The following CUX1 variants were observed in gnomAD, a reference collection of about 807,000 sequenced individuals.
CUX1 encodes the protein protein CASP.
A neutral mutation model predicts 158.8 loss-of-function variants in CUX1; 31 were observed. The observed-to-expected ratio is 0.20, with a 90% CI of 0.15 to 0.26. CUX1 has a LOEUF of 0.26. CUX1 is among the 10% of genes least tolerant of loss of function. The pLI is 1.00. For synonymous variants in CUX1, 879 were observed against 862.1 expected (o/e 1.02, Z -0.34); for missense variants, 1,589 against 2,014.6 (o/e 0.79, Z 4.04).
intron 20 of CUX1, among the ~76,000 whole-genome samples, chr7:102,209,703 A>T (rs1377090175): frequency 6.6e-6 from 1 of 152,014 alleles, no homozygotes; most frequent in African/African-American, 2.4e-5. Context: ...GTCCTTGGGG[A>T]CTGATTCTGC....
chr7:101,856,334 GGTTT>G (rs1260518774), intron 1 of CUX1, among the ~76,000 whole-genome samples: 5 of 152,058 alleles, frequency 3.3e-5, no homozygotes, highest in South Asian at 4.1e-4. Flanking sequence ...CCACGGTTGC[GGTTT>G]GTTTATTTCA....
chr7:101,946,873 A>G (rs1044891260), intron 2 of CUX1, among the ~76,000 whole-genome samples: 7 of 152,094 alleles, frequency 4.6e-5, no homozygotes, highest in Non-Finnish European at 5.9e-5. Context: ...TCAGGGGACA[A>G]TGTTAAGTGA....
Position 102,248,553 on chromosome 7 carries a change from C to T in CUX1, c.4029C>T (p.Ala1343=). The T allele has an allele frequency of 1.3e-6, 2 of 1,500,748 alleles. No individual in the cohort carries two copies. The highest frequency in any genetic ancestry group is 1.8e-6 in the Non-Finnish European group (2 of 1,129,090). 93.0% of individuals were successfully genotyped at this position (1,500,748 alleles called of 1,614,324 possible). Residue 1343 remains alanine, a synonymous_variant, in exon 24 of 24, where the codon GCC becomes GCT. Coordinates refer to ENST00000292535, the MANE Select transcript of CUX1 (RefSeq NM_181552.4). This position sits in a 1 kb window ranked among gnomAD's most constrained non-coding sequence, Gnocchi z 5.8. ...SEGDSCDGVE[A]TEGPGSADTE... ...GCGACAGCTGCGACGGCGTGGAGGC[C>T]ACTGAGGGCCCAGGCAGCGCCGACA... is the stretch of plus-strand genomic sequence containing the variant.
chr7:102,104,194 CAT>C, intron 5 of CUX1, 140 bp from the exon 6 acceptor site: 1 of 752,950 alleles, frequency 1.3e-6, no homozygotes, highest in South Asian at 1.8e-5. Context: ...TGAAGGGACT[CAT>C]AACCATTGAT....
At chr7:102,061,090 A>G (rs1824819159) in intron 3 of CUX1, among the ~76,000 whole-genome samples, 1 of 148,650 alleles carries the variant, frequency 6.7e-6, no homozygotes, top group African/African-American at 2.5e-5. Context: ...ATGCCTGGCT[A>G]ATTTTTGTAT....
At chr7:102,277,255 C>A (rs577458359) in intron 17 of CUX1, among the ~76,000 whole-genome samples, 126 of 151,712 alleles carry the variant, frequency 8.3e-4, no homozygotes, top group Middle Eastern at 6.9e-3. Context: ...TCTGGTCATG[C>A]CACTTTATTC....
chr7:101,998,562 G>T (rs1278902610), intron 2 of CUX1, among the ~76,000 whole-genome samples: 1 of 152,236 alleles, frequency 6.6e-6, no homozygotes, highest in East Asian at 1.9e-4. Flanking sequence ...CTGTTTGGGG[G>T]AGAAGTAGTA....
intron 4 of CUX1, among the ~76,000 whole-genome samples, chr7:102,076,746 C>T (rs961452434): frequency 2.6e-5 from 4 of 151,866 alleles, no homozygotes; most frequent in Non-Finnish European, 4.4e-5. Context: ...TAATTGCGAC[C>T]GGGTGCAGTG....
chr7:102,062,979 C>G (rs997396707), intron 3 of CUX1, among the ~76,000 whole-genome samples: 1 of 152,098 alleles, frequency 6.6e-6, no homozygotes. Context: ...GTGGCAGGCA[C>G]CTGTAATCCC....
chr7:102,278,628 T>TAAAAA (rs1424978675), intron 18 of CUX1, among the ~76,000 whole-genome samples: 1 of 101,682 alleles, frequency 9.8e-6, no homozygotes, highest in African/African-American at 3.7e-5. Flanking sequence ...TAAAATAAAA[T>TAAAAA]TAAAATAAAA....
At chr7:102,108,294 G>T (rs1830571914) in intron 6 of CUX1, among the ~76,000 whole-genome samples, 1 of 152,154 alleles carries the variant, frequency 6.6e-6, no homozygotes, top group Admixed American at 6.5e-5. Context: ...GCAAACTCAT[G>T]CATTACCACA....
At position 101,869,094 on chromosome 7, in the gene CUX1, G is replaced by A. The variant is rs1469210059; in HGVS notation, c.31-47021G>A. Among the ~76,000 whole-genome samples, 7 of 152,156 alleles carry A rather than the reference G, an allele frequency of 4.6e-5. No homozygotes were observed. Among genetic ancestry groups the A allele is most frequent in the African/African-American group, 1.7e-4 (7 of 41,424 alleles). ...GCGGGCGAGGGGGCAAAGGGCCTGG[G>A]GCATGGACTTGGGCAGGTAGCAAAG... On this transcript the variant is annotated intron_variant, in intron 1 of 23. Coordinates refer to ENST00000292535, the MANE Select transcript of CUX1 (RefSeq NM_181552.4). The surrounding 1 kb of genome is among the most constrained non-coding windows in gnomAD (Gnocchi z 4.5).
Position 102,178,440 on chromosome 7 carries a change from A to G in CUX1, c.829-29A>G, listed in dbSNP as rs186948419. The G allele has an allele frequency of 2.5e-4, 386 of 1,568,302 alleles. 1 individual carries two copies. In the African/African-American group the frequency reaches 4.2e-3, roughly 17 times the overall value. On this transcript the variant is annotated intron_variant, in intron 10 of 23. Transcript: ENST00000292535. ...CGAGCACCCGCCTCAAGGCCAGCGC[A>G]GTTTTGTCATCTCTTTTCTCCTCCC...
chr7:102,232,153 G>GT lies in CUX1; in HGVS notation c.3434-1893dup, dbSNP rs535335658. ...TAAGTTTTTTGTTTTGTTTTGTTTT[G>GT]TTTTTTCTTTTTCTTTTTCTTTTTA... On this transcript the variant is annotated intron_variant, in intron 21 of 23. Transcript: ENST00000292535. Among the ~76,000 whole-genome samples the GT allele has an allele frequency of 4.4e-4, 66 of 151,330 alleles. 1 individual carries two copies. The South Asian group carries it at 0.013, about 29-fold the overall frequency.
At position 101,997,328 on chromosome 7, in the gene CUX1, TTTTG is replaced by T. The variant is rs371966449; in HGVS notation, c.142-30750_142-30747del. 3.6e-4 allele frequency among the ~76,000 whole-genome samples: 55 copies of T among 152,306 alleles called. No homozygotes were observed. In the Middle Eastern group the frequency reaches 0.01, roughly 28 times the overall value. On this transcript the variant is annotated intron_variant, in intron 2 of 23. Transcript: ENST00000292535. Reference sequence around the variant, plus strand: ...CCATAACTTTTCTTTTGGTTTGTTTTTTTGTTTGTTTGTTTGTTTGTTTTGTTTT... The same window carrying T: ...CCATAACTTTTCTTTTGGTTTGTTTTTTTGTTTGTTTGTTTGTTTTGTTTT...
At chr7:102,047,428 G>C (rs1822946469) in intron 3 of CUX1, among the ~76,000 whole-genome samples, 1 of 150,692 alleles carries the variant, frequency 6.6e-6, no homozygotes, top group South Asian at 2.1e-4. Context: ...TGGATGGCTG[G>C]ATGATTGGAT....
intron 8 of CUX1, 94 bp from the exon 9 acceptor site, chr7:102,158,466 C>A: frequency 7.7e-7 from 1 of 1,302,794 alleles, no homozygotes; most frequent in Non-Finnish European, 1.1e-6. Context: ...CTGCACAGCC[C>A]TTCCCGAGCC....
intron 1 of CUX1, among the ~76,000 whole-genome samples, chr7:101,892,331 T>C (rs1800966565): frequency 6.6e-6 from 1 of 152,246 alleles, no homozygotes; most frequent in African/African-American, 2.4e-5. Context: ...AAGAATCTTT[T>C]AATCTGGAAA....
chr7:102,282,241 C>G (rs575436898), intron 21 of CUX1, among the ~76,000 whole-genome samples: 1 of 152,268 alleles, frequency 6.6e-6, no homozygotes, highest in South Asian at 2.1e-4. Context: ...ATGAACTCCA[C>G]CAAGGGACAG....
Sources: allele counts gnomAD v4.1 joint callset (sites outside exome capture counted in the v4.1 genomes callset), GRCh38; gene constraint gnomAD v4.1.1; non-coding constraint Gnocchi (gnomAD v3.1); transcripts MANE v1.5; gene names NCBI Gene and HGNC (gene_info 2026-07-23, HGNC 2026-07-21).